Variants in TTN observed in about 807,000 individuals in gnomAD.
The protein encoded by TTN is titin, also known as connectin.
TTN carries 1,525 observed loss-of-function variants against 3,223.0 expected under a neutral mutation model. The ratio of observed to expected loss-of-function variants is 0.47; its 90% CI spans 0.45 to 0.49. The LOEUF is 0.49. Among genes scored for constraint, TTN ranks in the 20% least tolerant of loss-of-function variants. The pLI is 0.00. For missense variants in TTN, 40,786 were observed against 43,424.0 expected, an observed-to-expected ratio of 0.94 and a Z score of 5.40; for synonymous variants, 14,094 against 15,161.0, an observed-to-expected ratio of 0.93 and a Z score of 5.17.
Position 178,609,496 on chromosome 2 carries a change from A to C in TTN, c.51814T>G (p.Ser17272Ala), listed in dbSNP as rs1308609622. Residue 17272 changes from serine to alanine, a missense_variant, in exon 273 of 363, where the codon TCT becomes GCT. By Grantham distance (99) the Ser-to-Ala change is moderately conservative (BLOSUM62 1). Transcript: ENST00000589042. Reference protein sequence around the residue: ...GDEIALDASISGSPYPTITWI... With the variant: ...GDEIALDASIAGSPYPTITWI... ...GTAATAGTTGGGTAAGGTGATCCAG[A>C]AATACTTGCATCAAGTGCTATTTCA... 5.6e-6 allele frequency: 9 copies of C among 1,612,548 alleles called. No homozygotes were observed. The South Asian group carries it at 9.9e-5, about 18-fold the overall frequency.
Position 178,634,596 on chromosome 2 carries a change from T to C in TTN, c.42185A>G (p.Asp14062Gly). 2 of 1,613,344 alleles carry C rather than the reference T, an allele frequency of 1.2e-6. No individual in the cohort carries two copies. Among genetic ancestry groups the C allele is most frequent in the Non-Finnish European group, 1.7e-6 (2 of 1,179,512 alleles). Residue 14062 changes from aspartate (D) to glycine (G), a missense_variant, in exon 230 of 363, where the codon GAT (aspartate) becomes GGT (glycine). Physicochemically the swap from Asp to Gly is moderately conservative, Grantham distance 94 (BLOSUM62 -1). Coordinates refer to ENST00000589042, the MANE Select transcript of TTN (RefSeq NM_001267550.2). This position sits in a 1 kb window ranked among gnomAD's most constrained non-coding sequence, Gnocchi z 4.6. ...IELDFAVPLK[D>G]VTVPERRQAR... is the part of the protein sequence containing the mutation. ...CTGTCGCCTTTCTGGAACAGTGACA[T>C]CCTTCAGGGGCACAGCAAAGTCAAG...
In TTN at chr2:178,685,313, TCTC is replaced by T; in HGVS notation, c.32407_32409del (p.Glu10803del). ...ATTTTTGGTTTCAGTACAATTTTCT[TCTC>T]CTGCCTCTCTGTCACTTGAAAAGAT... On this transcript the variant is annotated inframe_deletion, in exon 129 of 363. Transcript: ENST00000589042. 6.4e-7 allele frequency: 1 copy of T among 1,551,496 alleles called. No homozygotes were observed. The highest frequency in any genetic ancestry group is 1.2e-5 in the South Asian group (1 of 83,440).
At position 178,777,748 on chromosome 2, in the gene TTN, T is replaced by C. The variant is rs566441215; in HGVS notation, c.4436A>G (p.Lys1479Arg). The C allele has an allele frequency of 1.4e-5, 22 of 1,614,098 alleles. No homozygotes were observed. Among genetic ancestry groups the C allele is most frequent in the South Asian group, 4.4e-5 (4 of 91,082 alleles). ...LEGQTARFDL[K>R]VVGRPMPETF... is the part of the protein sequence containing the mutation. The stretch of plus-strand genomic sequence containing the variant: ...CTCTGGCATAGGTCTACCAACAACC[T>C]TTAAGTCAAATCTGGCAGTTTGCCC... The change falls in exon 25 of 363, where the codon AAG (lysine) becomes AGG (arginine). Residue 1479 changes from lysine (K) to arginine (R), a missense_variant. Lys to Arg is a conservative substitution (Grantham distance 26, BLOSUM62 2). Coordinates refer to ENST00000589042, the MANE Select transcript of TTN (RefSeq NM_001267550.2).
rs776520121 is a variant in TTN, at chr2:178,706,544, T to C, written c.29330A>G (p.His9777Arg). 9 of 1,613,882 alleles carry C rather than the reference T, an allele frequency of 5.6e-6. No individual in the cohort carries two copies. Among genetic ancestry groups the C allele is most frequent in the African/African-American group, 1.3e-5 (1 of 75,042 alleles). The change falls in exon 102 of 363, where the codon CAT becomes CGT. Residue 9777 changes from histidine (H) to arginine (R), a missense_variant. By Grantham distance (29) the His-to-Arg change is conservative. Coordinates refer to ENST00000589042, the MANE Select transcript of TTN (RefSeq NM_001267550.2). ...GTTAACATTACTTTCAATTTCACCA[T>C]GTTCGTTAAATGCCACGCATCGGTA... The part of the protein sequence containing the change: ...GLYRCVAFNE[H>R]GEIESNVNLQ...
chr2:178,533,920 A>G lies in TTN; in HGVS notation c.102695T>C (p.Val34232Ala). ...GGTTCTACGGCAGTAATAGTCATAG[A>G]CTTCTCTCACACCTTTAACAAATAG... ...AELFVKGVRE[V>A]YDYYCRRTMK... Residue 34232 changes from valine to alanine, a missense_variant, in exon 358 of 363, where the codon GTC becomes GCC. By Grantham distance (64) the Val-to-Ala change is moderately conservative. Coordinates refer to ENST00000589042, the MANE Select transcript of TTN (RefSeq NM_001267550.2). The G allele has an allele frequency of 6.2e-7, 1 of 1,613,798 alleles. No individual in the cohort carries two copies. Among genetic ancestry groups the G allele is most frequent in the Middle Eastern group, 1.6e-4 (1 of 6,062 alleles).
rs1336560103 is a variant in TTN, at chr2:178,647,111, T to C, written c.40175A>G (p.Glu13392Gly). The change falls in exon 215 of 363, where the codon GAA (glutamate) becomes GGA (glycine). Residue 13392 changes from glutamate (E) to glycine (G), a missense_variant. Physicochemically the swap from Glu to Gly is moderately conservative, Grantham distance 98. Transcript: ENST00000589042. ...TCTACCAATGGTTATAGATGCTTTT[T>C]CTTCATATATTATTTCCTCAGGAGT... ...EETPEEIIYE[E>G]KASITIGRKE... 14 of 1,432,824 alleles carry C rather than the reference T, an allele frequency of 9.8e-6. No individual in the cohort carries two copies. Among genetic ancestry groups the C allele is most frequent in the Admixed American group, 2.9e-5 (1 of 34,682 alleles). The allele number at this position is 1,432,824 out of a possible 1,614,324, so 88.8% of individuals were successfully genotyped here.
At chr2:178,765,625 T>C (rs1385119395) in intron 41 of TTN, among the ~76,000 whole-genome samples, 2 of 152,196 alleles carry the variant, frequency 1.3e-5, no homozygotes, top group Non-Finnish European at 1.5e-5. Flanking sequence ...TTTGTGAATC[T>C]TGAGATTACC....
chr2:178,559,036 T>A (rs765096930), intron 326 of TTN: 1 of 285,350 alleles, frequency 3.5e-6, no homozygotes, highest in Non-Finnish European at 6.5e-6. Context: ...TATATATATA[T>A]AAACATGTAT....
At chr2:178,622,106 A>C (rs914947652) in intron 243 of TTN, 98 bp from the exon 244 acceptor site, 1 of 1,162,302 alleles carries the variant, frequency 8.6e-7, no homozygotes. Context: ...GAAAGCAACC[A>C]ACAAGACTTC....
chr2:178,706,839 T>G lies in TTN; in HGVS notation c.29134+23A>C, dbSNP rs748864813. The G allele has an allele frequency of 3.5e-5, 56 of 1,606,822 alleles. 1 individual carries two copies. The South Asian group carries it at 6.0e-4, about 17-fold the overall frequency. ...AAAAGGTATAAGATAGATGAAGATG[T>G]ACTTCTCATGAAGTGCACTTACTTT... On this transcript the variant is annotated intron_variant, in intron 101 of 362. Coordinates refer to ENST00000589042, the MANE Select transcript of TTN (RefSeq NM_001267550.2).
Position 178,722,317 on chromosome 2 carries a change from A to G in TTN, c.22470T>C (p.Ser7490=). 1 of 1,612,374 alleles carries G rather than the reference A, an allele frequency of 6.2e-7. No homozygotes were observed. The highest frequency in any genetic ancestry group is 8.5e-7 in the Non-Finnish European group (1 of 1,179,018). ...TTCCAAGTGGGTTGGAAGCTGAGCA[A>G]GAGTACTGGCCAGAGTGACTCAAGT... is the stretch of plus-strand genomic sequence containing the variant. The part of the protein sequence containing the change: ...QTDLSHSGQY[S]CSASNPLGTA... Residue 7490 remains serine (S), a synonymous_variant, in exon 77 of 363, where the codon TCT becomes TCC. Transcript: ENST00000589042.
chr2:178,745,494 G>C (rs1379731477), intron 47 of TTN: 1 of 1,557,130 alleles, frequency 6.4e-7, no homozygotes, highest in Non-Finnish European at 8.7e-7. Flanking sequence ...TGGTGGACCT[G>C]TTTGGAAGTT....
At position 178,529,219 on chromosome 2, in the gene TTN, G is replaced by A; in HGVS notation, c.106532C>T (p.Ala35511Val). 1 of 1,460,272 alleles carries A rather than the reference G, an allele frequency of 6.8e-7. No individual in the cohort carries two copies. Among genetic ancestry groups the A allele is most frequent in the Non-Finnish European group, 9.0e-7 (1 of 1,109,156 alleles). 90.5% of individuals were successfully genotyped at this position (1,460,272 alleles called of 1,614,324 possible). A position where few individuals can be genotyped will look rare whatever the true frequency, so the allele number is the denominator to read the frequency against. Residue 35511 changes from alanine to valine, a missense_variant and splice_region_variant, in exon 360 of 363, where the codon GCT (alanine) becomes GTT (valine). Ala to Val is a moderately conservative substitution (Grantham distance 64, BLOSUM62 0). Coordinates refer to ENST00000589042, the MANE Select transcript of TTN (RefSeq NM_001267550.2). ...VSSSCKLTIKAIKDTEAQKVS... is the reference protein window; with the variant it reads ...VSSSCKLTIKVIKDTEAQKVS... ...TTTCTGTGCCTCAGTATCTTTTATA[G>A]CTAAAAAAGAAACCTCTGTAAGGCA...
In TTN at chr2:178,587,196, T is replaced by C. The variant is rs1357840635; in HGVS notation, c.64015A>G (p.Arg21339Gly). ...CCATATTCGTTGACAGCAGTTACTC[T>C]GAAGTAATACTCATTCCCAGGGACA... ...NLVPGNEYYF[R>G]VTAVNEYGPG... The change falls in exon 307 of 363, where the codon AGA becomes GGA. Residue 21339 changes from arginine (R) to glycine (G), a missense_variant. Physicochemically the swap from Arg to Gly is moderately radical, Grantham distance 125. Transcript: ENST00000589042. 1 of 1,613,218 alleles carries C rather than the reference T, an allele frequency of 6.2e-7. No homozygotes were observed. The highest frequency in any genetic ancestry group is 1.3e-5 in the African/African-American group (1 of 74,864).
rs770413213 is a variant in TTN at position 178,566,205 on chromosome 2, C to T, written c.79927G>A (p.Val26643Ile). The change falls in exon 326 of 363, where the codon GTA becomes ATA. Residue 26643 changes from valine (V) to isoleucine (I), a missense_variant. By Grantham distance (29) the Val-to-Ile change is conservative. Transcript: ENST00000589042. ...FTDKVQIEKG[V>I]NYTQLSIDNC... is the part of the protein sequence containing the mutation. Reference sequence around the variant, plus strand: ...TCTATTGATAGTTGGGTATAGTTTACTCCCTTTTCAATTTGGACCTTATCT... The same window carrying T: ...TCTATTGATAGTTGGGTATAGTTTATTCCCTTTTCAATTTGGACCTTATCT... 1 of 1,613,700 alleles carries T rather than the reference C, an allele frequency of 6.2e-7. No homozygotes were observed. The highest frequency in any genetic ancestry group is 8.5e-7 in the Non-Finnish European group (1 of 1,179,700).
rs879238812 is a variant in TTN, at chr2:178,560,225, G to C, written c.85907C>G (p.Pro28636Arg). The C allele has an allele frequency of 1.9e-6, 3 of 1,613,648 alleles. No individual in the cohort carries two copies. In the African/African-American group the frequency reaches 4.0e-5, roughly 22 times the overall value. ...YAENAAGLSL[P>R]SETSPLIRAE... is the part of the protein sequence containing the mutation. Reference sequence around the variant, plus strand: ...CCTAATTAAGGGAGAGGTTTCACTTGGAAGACTTAGGCCAGCAGCATTTTC... The same window carrying C: ...CCTAATTAAGGGAGAGGTTTCACTTCGAAGACTTAGGCCAGCAGCATTTTC... Residue 28636 changes from proline to arginine, a missense_variant, in exon 326 of 363, where the codon CCA (proline) becomes CGA (arginine). Transcript: ENST00000589042.
At chr2:178,627,481 T>C (rs938453696) in intron 240 of TTN, among the ~76,000 whole-genome samples, 3 of 152,026 alleles carry the variant, frequency 2.0e-5, no homozygotes, top group Non-Finnish European at 2.9e-5. Flanking sequence ...AAAGTTTATA[T>C]TTAAGTTCTT....
chr2:178,712,683 G>T lies in TTN; in HGVS notation c.27328+14C>A. On this transcript the variant is annotated intron_variant, in intron 94 of 362. Coordinates refer to ENST00000589042, the MANE Select transcript of TTN (RefSeq NM_001267550.2). Reference sequence around the variant, plus strand: ...TTACTAATCGTATAAATCTAGAAGAGCAGTCTGACAAACCTTTTATGTAGA... The same window carrying T: ...TTACTAATCGTATAAATCTAGAAGATCAGTCTGACAAACCTTTTATGTAGA... 3 of 1,609,942 alleles carry T rather than the reference G, an allele frequency of 1.9e-6. No individual in the cohort carries two copies. Among genetic ancestry groups the T allele is most frequent in the Non-Finnish European group, 2.5e-6 (3 of 1,176,798 alleles).
At chr2:178,778,276 A>C in intron 24 of TTN, 2 of 363,340 alleles carry the variant, frequency 5.5e-6, no homozygotes, top group South Asian at 3.3e-5. Context: ...TTAATCAGTC[A>C]CTAGACTTTT....
Sources: gnomAD v4.1 joint callset for allele counts (sites outside exome capture counted in the v4.1 genomes callset) on GRCh38, gnomAD v4.1.1 for gene constraint, Gnocchi (gnomAD v3.1) non-coding constraint, MANE v1.5 for transcripts, NCBI Gene and HGNC (gene_info 2026-07-23, HGNC 2026-07-21) for gene names.